Variants in TMEM232 observed in about 807,000 individuals in gnomAD.
TMEM232 encodes the protein transmembrane protein 232.
TMEM232 carries 80 observed loss-of-function variants against 78.8 expected under a neutral mutation model. That is an observed-to-expected ratio of 1.01 (90% CI 0.85 to 1.22). The LOEUF is 1.22. TMEM232 is among the 50% of genes most tolerant of loss of function. TMEM232 has a pLI of 0.00. For missense variants in TMEM232, 881 were observed against 742.2 expected (o/e 1.19, Z -2.17); for synonymous variants, 297 against 254.3 (o/e 1.17, Z -1.60).
intron 2 of TMEM232, among the ~76,000 whole-genome samples, chr5:110,400,848 C>T (rs1487573259): frequency 2.0e-5 from 3 of 152,030 alleles, no homozygotes; most frequent in African/African-American, 7.2e-5. Context: ...TTGCTGTATC[C>T]TTTTGTTCTT....
intron 12 of TMEM232, among the ~76,000 whole-genome samples, chr5:110,435,426 G>GTCATGGAAAATGGATTATACA (rs1397994645): frequency 2.0e-5 from 3 of 151,402 alleles, no homozygotes; most frequent in African/African-American, 7.3e-5. Flanking sequence ...TAATAATTAC[G>GTCATGGAAAATGGATTATACA]TCATGGAAAA....
At chr5:110,684,145 C>A (rs1482822501) in intron 1 of TMEM232, among the ~76,000 whole-genome samples, 1 of 151,482 alleles carries the variant, frequency 6.6e-6, no homozygotes, top group East Asian at 1.9e-4. Flanking sequence ...ATCTTAAAAG[C>A]CAGAAACCAT....
At chr5:110,695,719 C>T (rs529645773) in intron 1 of TMEM232, among the ~76,000 whole-genome samples, 30 of 152,208 alleles carry the variant, frequency 2.0e-4, no homozygotes, top group African/African-American at 7.2e-4. Context: ...GGATAAATTC[C>T]TCGACACATA....
chr5:110,562,278 T>C (rs535557208), intron 11 of TMEM232, among the ~76,000 whole-genome samples: 4 of 152,186 alleles, frequency 2.6e-5, no homozygotes, highest in African/African-American at 9.6e-5. Context: ...ACCTTCCAGA[T>C]TTAATGCCCA....
At chr5:110,624,483 C>T (rs987319323) in intron 7 of TMEM232, among the ~76,000 whole-genome samples, 2 of 152,062 alleles carry the variant, frequency 1.3e-5, no homozygotes, top group Non-Finnish European at 2.9e-5. Context: ...CATGTCTGTT[C>T]TCTTCATGAT....
At chr5:110,738,108 C>G (rs1183346865), upstream of TMEM232, 4 of 635,564 alleles carry the variant, frequency 6.3e-6, no homozygotes, top group Non-Finnish European at 8.9e-6. Flanking sequence ...TCGAGAACTG[C>G]ACGTCAGAGT....
intron 7 of TMEM232, among the ~76,000 whole-genome samples, chr5:110,623,096 A>G (rs2149920783): frequency 6.6e-6 from 1 of 152,212 alleles, no homozygotes; most frequent in South Asian, 2.1e-4. Flanking sequence ...TCTGCTATCC[A>G]AAGAGCTAAT....
At chr5:110,548,545 G>A (rs1416624511) in intron 11 of TMEM232, among the ~76,000 whole-genome samples, 1 of 151,438 alleles carries the variant, frequency 6.6e-6, no homozygotes, top group Non-Finnish European at 1.5e-5. Flanking sequence ...GGGCGGGGTG[G>A]AATGGTATAA....
intron 2 of TMEM232, among the ~76,000 whole-genome samples, chr5:110,654,735 G>T (rs961907210): frequency 6.6e-6 from 1 of 152,048 alleles, no homozygotes; most frequent in African/African-American, 2.4e-5. Context: ...AAATTACCTT[G>T]GGCAGTATGG....
chr5:110,537,394 G>A (rs527880939), intron 11 of TMEM232, among the ~76,000 whole-genome samples: 1 of 151,960 alleles, frequency 6.6e-6, no homozygotes, highest in African/African-American at 2.4e-5. Context: ...CCTGCAATCA[G>A]ATCTATTTTG....
intron 12 of TMEM232, among the ~76,000 whole-genome samples, chr5:110,500,264 G>C (rs1267056610): frequency 6.9e-6 from 1 of 145,530 alleles, no homozygotes; most frequent in Non-Finnish European, 1.5e-5. Flanking sequence ...ACTCTAGCCT[G>C]GGTGACAGAG....
chr5:110,700,855 T>C (rs966454084), intron 1 of TMEM232, among the ~76,000 whole-genome samples: 2 of 151,796 alleles, frequency 1.3e-5, no homozygotes, highest in East Asian at 3.9e-4. Flanking sequence ...AAAGCATTAA[T>C]TGACACAAGA....
At chr5:110,673,613 A>G (rs1016058661) in intron 1 of TMEM232, among the ~76,000 whole-genome samples, 5 of 152,220 alleles carry the variant, frequency 3.3e-5, no homozygotes, top group African/African-American at 1.2e-4. Flanking sequence ...AGTAGAACCC[A>G]GCAGCTCCCA....
chr5:110,434,819 T>A (rs1466998583), intron 12 of TMEM232, among the ~76,000 whole-genome samples: 1 of 152,004 alleles, frequency 6.6e-6, no homozygotes, highest in South Asian at 2.1e-4. Context: ...CAATAAATGA[T>A]TCATCACATA....
intron 12 of TMEM232, among the ~76,000 whole-genome samples, chr5:110,453,707 C>T (rs187050056): frequency 1.1e-4 from 16 of 152,100 alleles, no homozygotes; most frequent in African/African-American, 3.6e-4. Flanking sequence ...CCTGACTATG[C>T]TGCAGACTAC....
chr5:110,722,730 G>A (rs542293995), intron 1 of TMEM232, among the ~76,000 whole-genome samples: 1 of 152,298 alleles, frequency 6.6e-6, no homozygotes, highest in South Asian at 2.1e-4. Context: ...AGCTACAAAA[G>A]GGTGTGAATG....
chr5:110,722,806 T>C (rs901119453), intron 1 of TMEM232, among the ~76,000 whole-genome samples: 1 of 152,188 alleles, frequency 6.6e-6, no homozygotes, highest in Non-Finnish European at 1.5e-5. Flanking sequence ...ACTTTTTATA[T>C]GCTTGTTTGT....
At chr5:110,642,772 A>G (rs1786923404) in intron 2 of TMEM232, among the ~76,000 whole-genome samples, 1 of 152,130 alleles carries the variant, frequency 6.6e-6, no homozygotes, top group East Asian at 1.9e-4. Context: ...AAGTGGAATC[A>G]GCCCAAACAT....
chr5:110,410,881 T>TC (rs1297263551), intron 2 of TMEM232, among the ~76,000 whole-genome samples: 1 of 152,234 alleles, frequency 6.6e-6, no homozygotes, highest in East Asian at 1.9e-4. Context: ...GAGCCTATGT[T>TC]CTGTCTTTAT....
Sources: gnomAD v4.1 joint callset for allele counts (sites outside exome capture counted in the v4.1 genomes callset) on GRCh38, gnomAD v4.1.1 for gene constraint, MANE v1.5 for transcripts, NCBI Gene and HGNC (gene_info 2026-07-23, HGNC 2026-07-21) for gene names.